Variants in GPBP1 observed in about 807,000 individuals in gnomAD.
GPBP1 encodes vasculin.
GPBP1 carries 13 observed loss-of-function variants against 56.5 expected under a neutral mutation model. That is an observed-to-expected ratio of 0.23 (90% CI 0.15 to 0.37). The LOEUF is 0.37. Ranked by LOEUF, GPBP1 falls within the 10% of genes least tolerant of loss-of-function variation. GPBP1 has a pLI of 1.00. For missense variants in GPBP1, 477 were observed against 572.3 expected (o/e 0.83, Z 1.70); for synonymous variants, 204 against 188.9 (o/e 1.08, Z -0.66).
intron 10 of GPBP1, among the ~76,000 whole-genome samples, chr5:57,254,209 A>G (rs1741530356): frequency 1.3e-5 from 2 of 152,186 alleles, no homozygotes; most frequent in African/African-American, 2.4e-5. Context: ...TACAGCCACC[A>G]TGCCCAGCCC....
At chr5:57,202,415 A>T (rs1249800344) in intron 2 of GPBP1, among the ~76,000 whole-genome samples, 2 of 151,908 alleles carry the variant, frequency 1.3e-5, no homozygotes. Flanking sequence ...CAGCGTCCTG[A>T]GTAGCTGGAA....
chr5:57,174,469 T>TG, intron 1 of GPBP1, among the ~76,000 whole-genome samples: 1 of 151,958 alleles, frequency 6.6e-6, no homozygotes, highest in Non-Finnish European at 1.5e-5. Flanking sequence ...GGCGGCTTGG[T>TG]TGGGGGGTGT....
intron 2 of GPBP1, among the ~76,000 whole-genome samples, chr5:57,183,597 T>G (rs1754155947): frequency 6.6e-6 from 1 of 151,876 alleles, no homozygotes; most frequent in Non-Finnish European, 1.5e-5. Flanking sequence ...GAGCTATGAT[T>G]GTATCACTGC....
intron 6 of GPBP1, among the ~76,000 whole-genome samples, chr5:57,243,301 G>A (rs112285518): frequency 0.023 from 3,476 of 152,108 alleles, 166 homozygotes; most frequent in East Asian, 0.098. Flanking sequence ...TCCTGACCTC[G>A]TGATCCACCT....
chr5:57,247,970 T>G (rs1741174850), intron 8 of GPBP1, among the ~76,000 whole-genome samples: 2 of 152,118 alleles, frequency 1.3e-5, no homozygotes. Context: ...CTCAAACTCC[T>G]GGTGTCAAGT....
intron 9 of GPBP1, 148 bp from the exon 10 acceptor site, chr5:57,250,806 A>G: frequency 1.8e-6 from 1 of 554,140 alleles, no homozygotes; most frequent in African/African-American, 2.0e-5. Flanking sequence ...TGGCCTTCCA[A>G]AGTGCTGGGA....
At chr5:57,185,716 G>A (rs942791274) in intron 2 of GPBP1, among the ~76,000 whole-genome samples, 1 of 152,066 alleles carries the variant, frequency 6.6e-6, no homozygotes, top group African/African-American at 2.4e-5. Context: ...AAAAAAACTG[G>A]GGCCTGAGCA....
At chr5:57,229,425 T>C (rs1756345211) in intron 3 of GPBP1, among the ~76,000 whole-genome samples, 1 of 152,116 alleles carries the variant, frequency 6.6e-6, no homozygotes, top group Admixed American at 6.6e-5. Context: ...GGCTTTTTGC[T>C]CATGTTTTCC....
rs1057314026 is a variant in GPBP1 at position 57,176,271 on chromosome 5, A to G, written c.-187A>G. ...CTGACTTGAAGTAACTCTATGTCAA[A>G]TAGTCGTAGGTTAAGTATCTTCAAA... On this transcript the variant is annotated 5_prime_UTR_variant, in exon 2 of 12. Transcript: ENST00000506184. 8 of 357,842 alleles carry G rather than the reference A, an allele frequency of 2.2e-5. No individual in the cohort carries two copies. Among genetic ancestry groups the G allele is most frequent in the African/African-American group, 1.0e-4 (5 of 47,890 alleles). 22.2% of individuals were successfully genotyped at this position (357,842 alleles called of 1,614,324 possible).
chr5:57,251,168 C>A, intron 10 of GPBP1, 27 bp downstream of exon 10: 2 of 1,538,474 alleles, frequency 1.3e-6, no homozygotes, highest in South Asian at 1.2e-5. Context: ...ACTTTTTGCT[C>A]AGCATTTTCT....
intron 5 of GPBP1, among the ~76,000 whole-genome samples, chr5:57,234,480 G>C (rs1243715381): frequency 6.6e-6 from 1 of 152,192 alleles, no homozygotes; most frequent in Non-Finnish European, 1.5e-5. Context: ...GCTCATGCCT[G>C]TTTTCCCAGC....
intron 3 of GPBP1, chr5:57,221,541 G>A: frequency 1.7e-6 from 1 of 572,666 alleles, no homozygotes; most frequent in Non-Finnish European, 3.1e-6. Flanking sequence ...AAGATTTCGG[G>A]GTTGTGGTAT....
rs373989554 is a variant in GPBP1 at position 57,246,503 on chromosome 5, CA to C, written c.663+22del. The C allele has an allele frequency of 1.1e-5, 18 of 1,572,772 alleles. No homozygotes were observed. Among genetic ancestry groups the C allele is most frequent in the Non-Finnish European group, 1.6e-5 (18 of 1,158,580 alleles). On this transcript the variant is annotated intron_variant, in intron 7 of 11. Transcript: ENST00000506184. ...TACAAAAGTAAGTTCTAAATTACCA[CA>C]AATGTAAATTTTGAGTTGATAACCA...
Position 57,261,290 on chromosome 5 carries a change from A to T in GPBP1, c.1263+8A>T. ...CAAGTTATTAGTGAACAGGTAAGAA[A>T]ACCTGAATCATACAACTTCACTTTT... On this transcript the variant is annotated splice_region_variant and intron_variant, in intron 11 of 11. Coordinates refer to ENST00000506184, the MANE Select transcript of GPBP1 (RefSeq NM_022913.4). 6.8e-7 allele frequency: 1 copy of T among 1,475,512 alleles called. No homozygotes were observed. Among genetic ancestry groups the T allele is most frequent in the Non-Finnish European group, 9.5e-7 (1 of 1,054,040 alleles). 91.4% of individuals were successfully genotyped at this position (1,475,512 alleles called of 1,614,324 possible).
At chr5:57,224,808 G>T (rs1367736366) in intron 3 of GPBP1, among the ~76,000 whole-genome samples, 1 of 151,880 alleles carries the variant, frequency 6.6e-6, no homozygotes, top group Non-Finnish European at 1.5e-5. Context: ...ATACCACAGG[G>T]TGATAGCTTG....
intron 2 of GPBP1, among the ~76,000 whole-genome samples, chr5:57,206,013 G>A (rs1755217498): frequency 6.6e-6 from 1 of 152,128 alleles, no homozygotes; most frequent in African/African-American, 2.4e-5. Context: ...TGATCCTCCT[G>A]CCTTGGCCTC....
rs546766591 is a variant in GPBP1 at position 57,248,316 on chromosome 5, A to C, written c.805-1093A>C. ...TGATCAAGGTTTTGAAACTCCCAGA[A>C]CAGGGAGTTCTCTGACCAGTCTAGT... On this transcript the variant is annotated intron_variant, in intron 8 of 11. Coordinates refer to ENST00000506184, the MANE Select transcript of GPBP1 (RefSeq NM_022913.4). 7.9e-4 allele frequency among the ~76,000 whole-genome samples: 121 copies of C among 152,208 alleles called. 1 individual carries two copies. Among genetic ancestry groups the C allele is most frequent in the Non-Finnish European group, 1.3e-3 (90 of 68,014 alleles).
At chr5:57,194,392 A>G (rs571060630) in intron 2 of GPBP1, among the ~76,000 whole-genome samples, 117 of 152,236 alleles carry the variant, frequency 7.7e-4, no homozygotes, top group South Asian at 3.1e-3. Flanking sequence ...AAAAATATAT[A>G]TATATTTCTA....
chr5:57,241,247 G>GA (rs1740812632), intron 6 of GPBP1, among the ~76,000 whole-genome samples: 1 of 152,170 alleles, frequency 6.6e-6, no homozygotes, highest in African/African-American at 2.4e-5. Context: ...TGTCAACTCT[G>GA]AATTATCTGT....
Sources: gnomAD v4.1 joint callset for allele counts (sites outside exome capture counted in the v4.1 genomes callset) on GRCh38, gnomAD v4.1.1 for gene constraint, MANE v1.5 for transcripts, NCBI Gene and HGNC (gene_info 2026-07-23, HGNC 2026-07-21) for gene names.